The following ZNF385B variants were observed in gnomAD, a reference collection of about 807,000 sequenced individuals.
ZNF385B encodes the protein zinc finger protein 533.
A neutral mutation model predicts 39.2 loss-of-function variants in ZNF385B; 23 were observed. The observed-to-expected ratio is 0.59, with a 90% CI of 0.42 to 0.83. The LOEUF (loss-of-function observed/expected upper bound fraction) is 0.83, where lower values mean the gene tolerates loss of function less well. Ranked by LOEUF, ZNF385B falls within the 40% of genes least tolerant of loss-of-function variation. The pLI, the probability that ZNF385B is intolerant of heterozygous loss-of-function variation, is 0.00. For synonymous variants in ZNF385B, 205 were observed against 222.6 expected (o/e 0.92, Z 0.70); for missense variants, 552 against 598.9 (o/e 0.92, Z 0.82).
intron 3 of ZNF385B, among the ~76,000 whole-genome samples, chr2:179,607,588 C>T (rs1688918951): frequency 6.6e-6 from 1 of 152,040 alleles, no homozygotes; most frequent in African/African-American, 2.4e-5. Context: ...GCTAATAAAA[C>T]TAGAAACCTG....
At chr2:179,604,621 T>C (rs1429663118) in intron 3 of ZNF385B, among the ~76,000 whole-genome samples, 5 of 151,588 alleles carry the variant, frequency 3.3e-5, no homozygotes, top group African/African-American at 1.2e-4. Flanking sequence ...TCCAGAGAGG[T>C]TTTTCCTAAG....
At chr2:179,455,015 T>C (rs1379490945) in intron 6 of ZNF385B, among the ~76,000 whole-genome samples, 1 of 152,186 alleles carries the variant, frequency 6.6e-6, no homozygotes, top group Non-Finnish European at 1.5e-5. Context: ...GTACAGTAAG[T>C]GTATAGGAAT....
intron 5 of ZNF385B, among the ~76,000 whole-genome samples, chr2:179,494,310 T>C (rs1043919273): frequency 2.0e-5 from 3 of 152,108 alleles, no homozygotes; most frequent in African/African-American, 7.2e-5. Context: ...GCAACCTTGT[T>C]TGGCTTCCAT....
intron 3 of ZNF385B, among the ~76,000 whole-genome samples, chr2:179,614,108 T>G (rs1689531676): frequency 6.6e-6 from 1 of 150,880 alleles, no homozygotes; most frequent in South Asian, 2.1e-4. Flanking sequence ...AGGGTGGTGC[T>G]GGCTACTCAA....
chr2:179,713,188 A>C (rs780021955), intron 3 of ZNF385B, among the ~76,000 whole-genome samples: 3 of 152,232 alleles, frequency 2.0e-5, no homozygotes, highest in Non-Finnish European at 2.9e-5. Flanking sequence ...TTTTCACCTA[A>C]GATGGGTTTT....
At chr2:179,616,541 A>C (rs1450398733) in intron 3 of ZNF385B, among the ~76,000 whole-genome samples, 1 of 150,898 alleles carries the variant, frequency 6.6e-6, no homozygotes, top group Non-Finnish European at 1.5e-5. Context: ...TCTCTAAAAG[A>C]CATATTAATC....
At position 179,489,294 on chromosome 2, in the gene ZNF385B, G is replaced by A. The variant is rs184907485; in HGVS notation, c.553-5860C>T. On this transcript the variant is annotated intron_variant, in intron 5 of 9. Transcript: ENST00000410066. The stretch of plus-strand genomic sequence containing the variant: ...ACATATTAAGGGAAAAACAGGGAAA[G>A]GTTGCTACGTTGTGCTACCTTGAAA... 1.6e-4 allele frequency among the ~76,000 whole-genome samples: 24 copies of A among 152,306 alleles called. No homozygotes were observed. The East Asian group carries it at 4.6e-3, about 29-fold the overall frequency.
At chr2:179,827,288 G>A (rs1228477949) in intron 1 of ZNF385B, among the ~76,000 whole-genome samples, 1 of 152,104 alleles carries the variant, frequency 6.6e-6, no homozygotes, top group Non-Finnish European at 1.5e-5. Flanking sequence ...GGGAAGAAGG[G>A]GTAAATAGAC....
At chr2:179,717,870 G>C (rs1433945889) in intron 3 of ZNF385B, among the ~76,000 whole-genome samples, 1 of 151,704 alleles carries the variant, frequency 6.6e-6, no homozygotes, top group Non-Finnish European at 1.5e-5. Context: ...TTGTTATTAC[G>C]TTGTATGTAA....
At chr2:179,601,779 G>C (rs926751316) in intron 3 of ZNF385B, among the ~76,000 whole-genome samples, 2 of 152,102 alleles carry the variant, frequency 1.3e-5, no homozygotes, top group African/African-American at 4.8e-5. Flanking sequence ...AGAATCAAGA[G>C]AGCCAGCAAT....
intron 3 of ZNF385B, among the ~76,000 whole-genome samples, chr2:179,690,534 G>A (rs1050176848): frequency 3.3e-5 from 5 of 152,208 alleles, no homozygotes; most frequent in Non-Finnish European, 7.3e-5. Flanking sequence ...TCAAAATCAT[G>A]CTGTTCAAGG....
At chr2:179,706,878 C>T (rs797001591) in intron 3 of ZNF385B, among the ~76,000 whole-genome samples, 5 of 152,258 alleles carry the variant, frequency 3.3e-5, no homozygotes, top group South Asian at 2.1e-4. Context: ...CCTATGGACA[C>T]GGGATGACAA....
intron 6 of ZNF385B, among the ~76,000 whole-genome samples, chr2:179,474,366 C>G (rs888654874): frequency 6.6e-6 from 1 of 152,002 alleles, no homozygotes; most frequent in Non-Finnish European, 1.5e-5. Context: ...TTTGCCATTA[C>G]TTTTAATGGC....
intron 3 of ZNF385B, among the ~76,000 whole-genome samples, chr2:179,718,224 A>G (rs1700454804): frequency 6.6e-6 from 1 of 151,836 alleles, no homozygotes; most frequent in South Asian, 2.1e-4. Flanking sequence ...GAAAGCATTT[A>G]TCTAAGATTT....
intron 3 of ZNF385B, among the ~76,000 whole-genome samples, chr2:179,547,735 T>G (rs1407923689): frequency 6.7e-6 from 1 of 149,730 alleles, no homozygotes; most frequent in East Asian, 1.9e-4. Flanking sequence ...TAGGATAGTC[T>G]GTTCTATGTC....
intron 5 of ZNF385B, among the ~76,000 whole-genome samples, chr2:179,488,875 C>A (rs2054903363): frequency 6.6e-6 from 1 of 152,084 alleles, no homozygotes; most frequent in South Asian, 2.1e-4. Flanking sequence ...ATGATTTATT[C>A]TGCAAAAAAT....
intron 3 of ZNF385B, among the ~76,000 whole-genome samples, chr2:179,757,445 G>A (rs1434607231): frequency 2.6e-5 from 4 of 152,184 alleles, no homozygotes; most frequent in Non-Finnish European, 5.9e-5. Context: ...CCCGTTCTCA[G>A]GTCTCAAACT....
In ZNF385B at chr2:179,652,166, C is replaced by T. The variant is rs116721909; in HGVS notation, c.299-107197G>A. ...CTAAGTAGCTATAAAGAGTCCATAG[C>T]TACCGTTAAGATACACAAATAATGC... is the stretch of plus-strand genomic sequence containing the variant. On this transcript the variant is annotated intron_variant, in intron 3 of 9. Transcript: ENST00000410066. 6.3e-3 allele frequency among the ~76,000 whole-genome samples: 959 copies of T among 152,232 alleles called. 11 individuals carry two copies. The highest frequency in any genetic ancestry group is 0.021 in the African/African-American group (855 of 41,550).
At chr2:179,615,823 C>T (rs1689682646) in intron 3 of ZNF385B, among the ~76,000 whole-genome samples, 1 of 152,078 alleles carries the variant, frequency 6.6e-6, no homozygotes, top group Admixed American at 6.5e-5. Flanking sequence ...TTCTGAGGCA[C>T]CAAGTATAAA....
Sources: allele counts gnomAD v4.1 joint callset (sites outside exome capture counted in the v4.1 genomes callset), GRCh38; gene constraint gnomAD v4.1.1; transcripts MANE v1.5; gene names NCBI Gene and HGNC (gene_info 2026-07-23, HGNC 2026-07-21).